ADAM10: variants seen among roughly 807,000 people sequenced by gnomAD.
ADAM10 encodes the protein disintegrin and metalloproteinase domain-containing protein 10.
A neutral mutation model predicts 90.1 loss-of-function variants in ADAM10; 17 were observed. The ratio of observed to expected loss-of-function variants is 0.19; its 90% CI spans 0.13 to 0.28. The LOEUF (loss-of-function observed/expected upper bound fraction) is 0.28, where lower values mean the gene tolerates loss of function less well. Ranked by LOEUF, ADAM10 falls within the 10% of genes least tolerant of loss-of-function variation. The probability of loss-of-function intolerance (pLI) is 1.00; values close to 1 mark genes in which losing one functional copy is unlikely to be tolerated. For missense variants in ADAM10, 610 were observed against 914.3 expected (o/e 0.67, Z 4.29); for synonymous variants, 310 against 298.6 (o/e 1.04, Z -0.40).
At chr15:58,683,518 G>C (rs542431955) in intron 2 of ADAM10, among the ~76,000 whole-genome samples, 2 of 152,150 alleles carry the variant, frequency 1.3e-5, no homozygotes, top group East Asian at 3.9e-4. Flanking sequence ...ACATATACTT[G>C]CATGTAAGTG....
chr15:58,649,915 T>C (rs138767668), intron 5 of ADAM10, among the ~76,000 whole-genome samples: 2 of 152,312 alleles, frequency 1.3e-5, no homozygotes, highest in East Asian at 3.9e-4. Flanking sequence ...ATAATACATA[T>C]ATCAGACCTT....
At chr15:58,720,890 A>G (rs1898830233) in intron 1 of ADAM10, among the ~76,000 whole-genome samples, 1 of 152,168 alleles carries the variant, frequency 6.6e-6, no homozygotes, top group Non-Finnish European at 1.5e-5. Flanking sequence ...TGGATTACTG[A>G]ATTGGATTTA....
At chr15:58,659,521 C>A (rs1896918528) in intron 5 of ADAM10, among the ~76,000 whole-genome samples, 1 of 152,054 alleles carries the variant, frequency 6.6e-6, no homozygotes, top group East Asian at 1.9e-4. Context: ...CACAAATTTT[C>A]TAATGTTAAT....
At chr15:58,647,248 A>ATTTTTTTTTTTTTTTTTTTTTGTTTTT (rs1896573041) in intron 5 of ADAM10, among the ~76,000 whole-genome samples, 1 of 59,602 alleles carries the variant, frequency 1.7e-5, no homozygotes, top group Non-Finnish European at 3.6e-5. Context: ...GACACTAAGT[A>ATTTTTTTTTTTTTTTTTTTTTGTTTTT]TTTTTTTTTT....
chr15:58,589,742 ACAG>A lies in ADAM10; in HGVS notation c.*7802_*7804del, dbSNP rs1269228834. On this transcript the variant is annotated 3_prime_UTR_variant, in exon 16 of 16. Transcript: ENST00000260408. ...AGAAAGATGTATAAAATTCCAGGGC[ACAG>A]CAGGTCACATGGACACCTCATTCAT... 6.6e-6 allele frequency: 1 copy of A among 152,228 alleles called. No homozygotes were observed. The highest frequency in any genetic ancestry group is 1.5e-5 in the Non-Finnish European group (1 of 68,058). The allele number at this position is 152,228 out of a possible 1,614,324, so 9.4% of individuals were successfully genotyped here. A position where few individuals can be genotyped will look rare whatever the true frequency, so the allele number is the denominator to read the frequency against.
At chr15:58,707,122 C>T (rs1175213137) in intron 2 of ADAM10, among the ~76,000 whole-genome samples, 1 of 151,368 alleles carries the variant, frequency 6.6e-6, no homozygotes, top group Non-Finnish European at 1.5e-5. Context: ...GTAGCTCACG[C>T]CTGTAATCCC....
At chr15:58,645,966 G>A in intron 6 of ADAM10, 89 bp downstream of exon 6, 1 of 1,423,744 alleles carries the variant, frequency 7.0e-7, no homozygotes, top group Middle Eastern at 2.4e-4. Flanking sequence ...TTCCCAAAAA[G>A]AGAATACACT....
chr15:58,607,135 T>C (rs1451760974), intron 14 of ADAM10, among the ~76,000 whole-genome samples: 2 of 152,278 alleles, frequency 1.3e-5, no homozygotes, highest in Non-Finnish European at 2.9e-5. Context: ...CGGGCTGGAT[T>C]TGGCCCATGG....
intron 2 of ADAM10, among the ~76,000 whole-genome samples, chr15:58,708,818 G>A (rs1043936870): frequency 6.6e-6 from 1 of 152,120 alleles, no homozygotes; most frequent in African/African-American, 2.4e-5. Context: ...TATAATTTCA[G>A]ATTTCAGAGA....
intron 1 of ADAM10, among the ~76,000 whole-genome samples, chr15:58,736,284 T>G (rs1287005101): frequency 6.6e-6 from 1 of 152,208 alleles, no homozygotes; most frequent in Non-Finnish European, 1.5e-5. Flanking sequence ...TTCTGTTACT[T>G]TATTTCACCT....
intron 5 of ADAM10, among the ~76,000 whole-genome samples, chr15:58,649,457 T>C (rs1252306428): frequency 6.6e-6 from 1 of 152,182 alleles, no homozygotes; most frequent in Non-Finnish European, 1.5e-5. Context: ...CATCTACAAG[T>C]TAGCATTTGA....
chr15:58,656,150 C>A (rs1278609120), intron 5 of ADAM10, among the ~76,000 whole-genome samples: 1 of 152,094 alleles, frequency 6.6e-6, no homozygotes, highest in Admixed American at 6.6e-5. Context: ...CTGGTTTCCG[C>A]TGGGATGGAA....
At chr15:58,695,929 C>A (rs1897965927) in intron 2 of ADAM10, among the ~76,000 whole-genome samples, 1 of 151,976 alleles carries the variant, frequency 6.6e-6, no homozygotes, top group African/African-American at 2.4e-5. Context: ...CCAGCCTGAC[C>A]AACATGGTGA....
intron 5 of ADAM10, among the ~76,000 whole-genome samples, chr15:58,660,246 C>T (rs1596039886): frequency 6.6e-6 from 1 of 151,810 alleles, no homozygotes; most frequent in Admixed American, 6.6e-5. Flanking sequence ...CTGGAGTACA[C>T]TGGTGCAATC....
chr15:58,655,711 G>GTATATATATATATATATATATATAGTA (rs1896802317), intron 5 of ADAM10, among the ~76,000 whole-genome samples: 1 of 53,732 alleles, frequency 1.9e-5, no homozygotes, highest in Non-Finnish European at 3.2e-5. Flanking sequence ...TATATATATA[G>GTATATATATATATATATATATATAGTA]TATATATATA....
At chr15:58,737,152 T>C (rs1292007575) in intron 1 of ADAM10, among the ~76,000 whole-genome samples, 1 of 152,166 alleles carries the variant, frequency 6.6e-6, no homozygotes, top group East Asian at 1.9e-4. Flanking sequence ...GCCAGGATAC[T>C]GGTATTTACC....
chr15:58,683,496 G>A (rs970935650), intron 2 of ADAM10, among the ~76,000 whole-genome samples: 7 of 152,112 alleles, frequency 4.6e-5, no homozygotes, highest in African/African-American at 1.7e-4. Context: ...TCCATTTCTA[G>A]AAATGTATCT....
intron 9 of ADAM10, among the ~76,000 whole-genome samples, chr15:58,632,253 TG>T (rs1483604023): frequency 1.3e-5 from 2 of 152,222 alleles, no homozygotes. Context: ...CAAAGATCGC[TG>T]TTAATTTTGT....
chr15:58,653,595 G>A (rs950625921), intron 5 of ADAM10, among the ~76,000 whole-genome samples: 1 of 152,090 alleles, frequency 6.6e-6, no homozygotes, highest in Non-Finnish European at 1.5e-5. Context: ...TCTTTTTAAT[G>A]AATTGCTAAA....
Sources: allele counts gnomAD v4.1 joint callset (sites outside exome capture counted in the v4.1 genomes callset), GRCh38; gene constraint gnomAD v4.1.1; transcripts MANE v1.5; gene names NCBI Gene and HGNC (gene_info 2026-07-23, HGNC 2026-07-21).